CDON: variants seen among roughly 807,000 people sequenced by gnomAD.
The protein encoded by CDON is cell adhesion associated, oncogene regulated.
In CDON, 73 loss-of-function variants were observed where a neutral mutation model predicts 120.9. That is an observed-to-expected ratio of 0.60 (90% CI 0.50 to 0.73). The LOEUF is 0.73. Among genes scored for constraint, CDON ranks in the 30% least tolerant of loss-of-function variants. CDON has a pLI of 0.00. For missense variants in CDON, 1,470 were observed against 1,587.3 expected (o/e 0.93, Z 1.26); for synonymous variants, 566 against 573.5 (o/e 0.99, Z 0.19).
rs1946571926 is a variant in CDON at position 125,989,648 on chromosome 11, C to A, written c.2762G>T (p.Cys921Phe). The change falls in exon 15 of 20, where the codon TGC becomes TTC. Residue 921 changes from cysteine to phenylalanine, a missense_variant. By Grantham distance (205) the Cys-to-Phe change is radical (BLOSUM62 -2). Coordinates refer to ENST00000531738, the MANE Select transcript of CDON (RefSeq NM_001378964.1). Reference sequence around the variant, plus strand: ...AAAAATTCTCCTACCTTTAGTCTCGCAGATCATCACATTGCTAAATTCACT... The same window carrying A: ...AAAAATTCTCCTACCTTTAGTCTCGAAGATCATCACATTGCTAAATTCACT... ...GESEFSNVMI[C>F]ETKVKRVPGA... The A allele has an allele frequency of 1.2e-6, 2 of 1,613,236 alleles. No individual in the cohort carries two copies. The highest frequency in any genetic ancestry group is 1.7e-6 in the Non-Finnish European group (2 of 1,179,406).
intron 1 of CDON, among the ~76,000 whole-genome samples, chr11:126,041,556 C>T (rs1444468858): frequency 6.6e-6 from 1 of 152,170 alleles, no homozygotes; most frequent in East Asian, 1.9e-4. Flanking sequence ...CACGTAATAG[C>T]AAACTATGTT....
chr11:126,030,522 G>C (rs1034879628), intron 1 of CDON, among the ~76,000 whole-genome samples: 1 of 152,114 alleles, frequency 6.6e-6, no homozygotes, highest in Non-Finnish European at 1.5e-5. Context: ...TTCAAAATAG[G>C]AAATTATTTA....
rs61917837 is a variant in CDON, at chr11:126,010,398, T to C, written c.1495A>G (p.Ile499Val). 5 of 1,613,968 alleles carry C rather than the reference T, an allele frequency of 3.1e-6. No homozygotes were observed. The highest frequency in any genetic ancestry group is 1.6e-4 in the Middle Eastern group (1 of 6,082). The change falls in exon 8 of 20, where the codon ATC becomes GTC. Residue 499 changes from isoleucine (I) to valine (V), a missense_variant. By Grantham distance (29) the Ile-to-Val change is conservative. Coordinates refer to ENST00000531738, the MANE Select transcript of CDON (RefSeq NM_001378964.1). ...CCATGTTCATTTGCAGCTTCGCAGATGTATTTCCCCGCATGTTCCTGAGTC... is the reference window on the plus strand; with the variant it reads ...CCATGTTCATTTGCAGCTTCGCAGACGTATTTCCCCGCATGTTCCTGAGTC... The part of the protein sequence containing the change: ...AVTQEHAGKY[I>V]CEAANEHGTT...
intron 15 of CDON, among the ~76,000 whole-genome samples, chr11:125,989,109 T>C (rs903947110): frequency 6.6e-6 from 1 of 152,138 alleles, no homozygotes; most frequent in Non-Finnish European, 1.5e-5. Flanking sequence ...CAGAAACTAA[T>C]GAACAGGATT....
chr11:126,011,560 T>C (rs1591383650), intron 7 of CDON, among the ~76,000 whole-genome samples: 1 of 152,238 alleles, frequency 6.6e-6, no homozygotes, highest in Admixed American at 6.5e-5. Context: ...TGTCAGTTTT[T>C]CTATTGGGTC....
Position 126,046,514 on chromosome 11 carries a change from T to TC in CDON, c.-62+16064_-62+16065insG, listed in dbSNP as rs397772956. Among the ~76,000 whole-genome samples the TC allele has an allele frequency of 2.7e-3, 406 of 151,902 alleles. 1 individual carries two copies. Among genetic ancestry groups the TC allele is most frequent in the Non-Finnish European group, 4.7e-3 (321 of 67,954 alleles). On this transcript the variant is annotated intron_variant, in intron 1 of 19. Transcript: ENST00000531738. ...TCGAGACTTATCTAAATAATATTTT[T>TC]AAAAATATTTAAGACAAGCATCTAC...
chr11:126,061,067 T>G (rs1232453175), intron 1 of CDON, among the ~76,000 whole-genome samples: 1 of 152,230 alleles, frequency 6.6e-6, no homozygotes, highest in Non-Finnish European at 1.5e-5. Context: ...CTGATTCTCC[T>G]GGCTGACTAA....
Position 126,017,480 on chromosome 11 carries a change from A to G in CDON, c.641-105T>C, listed in dbSNP as rs538586908. 7.6e-5 allele frequency: 83 copies of G among 1,098,444 alleles called. 2 individuals are homozygous for G. The African/African-American group carries it at 9.7e-4, about 13-fold the overall frequency. The allele number at this position is 1,098,444 out of a possible 1,614,324, so 68.0% of individuals were successfully genotyped here. A position where few individuals can be genotyped will look rare whatever the true frequency, so the allele number is the denominator to read the frequency against. Reference sequence around the variant, plus strand: ...CATTTTCCCATGTATTCTTTATACTACAAGGTCCTATTTGGTGGTTAAATC... The same window carrying G: ...CATTTTCCCATGTATTCTTTATACTGCAAGGTCCTATTTGGTGGTTAAATC... On this transcript the variant is annotated intron_variant, in intron 5 of 19. Transcript: ENST00000531738.
In CDON at chr11:126,006,016, G is replaced by A. The variant is rs778651865; in HGVS notation, c.1594C>T (p.Pro532Ser). 1 of 1,614,118 alleles carries A rather than the reference G, an allele frequency of 6.2e-7. No homozygotes were observed. Among genetic ancestry groups the A allele is most frequent in the South Asian group, 1.1e-5 (1 of 91,082 alleles). ...TNTKAETVTL[P>S]DAAQNDDRSK... ...CTGTCATCATTCTGAGCAGCATCAGGAAGTGTGACTGTCTCTGCTTTTGTA... is the reference window on the plus strand; with the variant it reads ...CTGTCATCATTCTGAGCAGCATCAGAAAGTGTGACTGTCTCTGCTTTTGTA... The change falls in exon 9 of 20, where the codon CCT becomes TCT. Residue 532 changes from proline to serine, a missense_variant. Pro to Ser is a moderately conservative substitution (Grantham distance 74). Coordinates refer to ENST00000531738, the MANE Select transcript of CDON (RefSeq NM_001378964.1).
chr11:125,974,358 TAGGTAGGTAGGAAGGA>T (rs1397756743), intron 18 of CDON, among the ~76,000 whole-genome samples: 6 of 63,504 alleles, frequency 9.4e-5, no homozygotes, highest in African/African-American at 6.2e-5. Context: ...GGTAGGTAGG[TAGGTAGGTAGGAAGGA>T]AGGAAGGAAG....
At chr11:125,988,448 T>C (rs1347912445) in intron 15 of CDON, among the ~76,000 whole-genome samples, 1 of 152,164 alleles carries the variant, frequency 6.6e-6, no homozygotes, top group Non-Finnish European at 1.5e-5. Context: ...CGATCTTGGC[T>C]CACTGCAACC....
intron 2 of CDON, among the ~76,000 whole-genome samples, chr11:126,023,133 T>C (rs1947685538): frequency 7.1e-6 from 1 of 141,190 alleles, no homozygotes. Context: ...AAAAAAAGCA[T>C]GATTGGAAAA....
upstream of CDON, chr11:126,063,128 C>G (rs1233130127): frequency 6.6e-6 from 1 of 152,266 alleles, no homozygotes; most frequent in Admixed American, 6.5e-5. Context: ...GGACCCTCTC[C>G]TCGTCATTGA....
intron 1 of CDON, among the ~76,000 whole-genome samples, chr11:126,057,078 G>A (rs957004589): frequency 2.6e-5 from 4 of 152,104 alleles, no homozygotes; most frequent in African/African-American, 9.7e-5. Flanking sequence ...AATGAATACA[G>A]TTTTCAAAGT....
At chr11:126,049,636 G>A (rs1246442389) in intron 1 of CDON, among the ~76,000 whole-genome samples, 2 of 152,160 alleles carry the variant, frequency 1.3e-5, no homozygotes, top group African/African-American at 2.4e-5. Context: ...GTTTTGGCCT[G>A]CATTACACAG....
chr11:126,004,038 C>G lies in CDON; in HGVS notation c.1890G>C (p.Thr630=), dbSNP rs142039749. The change falls in exon 10 of 20, where the codon ACG becomes ACC. Residue 630 remains threonine, a synonymous_variant. Coordinates refer to ENST00000531738, the MANE Select transcript of CDON (RefSeq NM_001378964.1). ...DGVGMLGSWH[T]VRVPGSENEL... Reference sequence around the variant, plus strand: ...CATTTTCACTTCCTGGGACTCGAACCGTGTGCCAGCTTCCCAGCATGCCAA... The same window carrying G: ...CATTTTCACTTCCTGGGACTCGAACGGTGTGCCAGCTTCCCAGCATGCCAA... 1.9e-6 allele frequency: 3 copies of G among 1,613,950 alleles called. No homozygotes were observed. Among genetic ancestry groups the G allele is most frequent in the East Asian group, 2.2e-5 (1 of 44,826 alleles).
At position 125,981,166 on chromosome 11, in the gene CDON, GACCTTATGGTGAAGGTGGGAATAGCC is replaced by G; in HGVS notation, c.3133_3158del (p.Gly1045ProfsTer32). On this transcript the variant is annotated frameshift_variant, in exon 17 of 20. Transcript: ENST00000531738. LOFTEE classifies it high-confidence loss of function. Reference sequence around the variant, plus strand: ...TCACAATTCCATTGACTGCATTGGGGACCTTATGGTGAAGGTGGGAATAGCCACTGCTGAGACCGCCATTGGTTAGG... The same window carrying G: ...TCACAATTCCATTGACTGCATTGGGGACTGCTGAGACCGCCATTGGTTAGG... 6.2e-7 allele frequency: 1 copy of G among 1,614,114 alleles called. No homozygotes were observed. Among genetic ancestry groups the G allele is most frequent in the Non-Finnish European group, 8.5e-7 (1 of 1,179,996 alleles).
chr11:126,015,043 T>C, intron 7 of CDON, 198 bp downstream of exon 7: 1 of 614,886 alleles, frequency 1.6e-6, no homozygotes, highest in South Asian at 2.0e-5. Flanking sequence ...AAAAACTTTT[T>C]TTAATGAGCT....
chr11:126,051,667 T>C (rs554428954), intron 1 of CDON, among the ~76,000 whole-genome samples: 1 of 150,470 alleles, frequency 6.6e-6, no homozygotes, highest in South Asian at 2.1e-4. Context: ...TTTTTTTTTT[T>C]CCAGAGTCTC....
Sources: allele counts gnomAD v4.1 joint callset (sites outside exome capture counted in the v4.1 genomes callset), GRCh38; gene constraint gnomAD v4.1.1; transcripts MANE v1.5; gene names NCBI Gene and HGNC (gene_info 2026-07-23, HGNC 2026-07-21).